Variants in AFG1L observed in about 807,000 individuals in gnomAD.
AFG1L encodes AFG1-like ATPase.
AFG1L carries 53 observed loss-of-function variants against 62.2 expected under a neutral mutation model. The observed-to-expected ratio is 0.85, with a 90% CI of 0.68 to 1.07. The LOEUF (loss-of-function observed/expected upper bound fraction) is 1.07, where lower values mean the gene tolerates loss of function less well. Ranked by LOEUF, AFG1L falls within the 50% of genes least tolerant of loss-of-function variation. The pLI is 0.00. For missense variants in AFG1L, 555 were observed against 590.5 expected (o/e 0.94, Z 0.62); for synonymous variants, 228 against 210.3 (o/e 1.08, Z -0.73).
intron 6 of AFG1L, among the ~76,000 whole-genome samples, chr6:108,383,560 C>T (rs1419219287): frequency 1.3e-5 from 2 of 151,996 alleles, no homozygotes; most frequent in East Asian, 1.9e-4. Context: ...TGAAATCGGT[C>T]ATGTAGGAAA....
At chr6:108,450,938 T>TAA (rs201994960) in intron 8 of AFG1L, among the ~76,000 whole-genome samples, 1 of 136,834 alleles carries the variant, frequency 7.3e-6, no homozygotes, top group African/African-American at 2.7e-5. Flanking sequence ...CCACTGGTAT[T>TAA]AAAAAAAAAA....
chr6:108,475,728 T>G (rs1773081310), intron 8 of AFG1L, among the ~76,000 whole-genome samples: 1 of 152,212 alleles, frequency 6.6e-6, no homozygotes, highest in South Asian at 2.1e-4. Context: ...AATTTCAAAC[T>G]TTTCATAATA....
intron 8 of AFG1L, among the ~76,000 whole-genome samples, chr6:108,464,987 C>T (rs966873901): frequency 2.0e-5 from 3 of 152,190 alleles, no homozygotes; most frequent in African/African-American, 7.2e-5. Flanking sequence ...AAGGAAGTCA[C>T]TTAAATTCTT....
chr6:108,400,892 A>G lies in AFG1L; in HGVS notation c.749-1104A>G, dbSNP rs1435117531. Among the ~76,000 whole-genome samples, 4 of 85,786 alleles carry G rather than the reference A, an allele frequency of 4.7e-5. No individual in the cohort carries two copies. The East Asian group carries it at 1.0e-3, about 22-fold the overall frequency. 56.3% of individuals were successfully genotyped at this position (85,786 alleles called of 152,430 possible). A position where few individuals can be genotyped will look rare whatever the true frequency, so the allele number is the denominator to read the frequency against. On this transcript the variant is annotated intron_variant, in intron 6 of 12. Transcript: ENST00000368977. Reference sequence around the variant, plus strand: ...AAATATATATTTATATATAATGCAAATATATATAATGCAAATACATGAGCA... The same window carrying G: ...AAATATATATTTATATATAATGCAAGTATATATAATGCAAATACATGAGCA...
intron 1 of AFG1L, among the ~76,000 whole-genome samples, chr6:108,316,536 T>C: frequency 6.9e-6 from 1 of 145,096 alleles, no homozygotes; most frequent in East Asian, 2.0e-4. Context: ...CACTCTGATT[T>C]TTTTTTTTTT....
intron 11 of AFG1L, among the ~76,000 whole-genome samples, chr6:108,513,512 A>G (rs1774751581): frequency 6.6e-6 from 1 of 152,202 alleles, no homozygotes; most frequent in East Asian, 1.9e-4. Context: ...AGCCTCGCTC[A>G]TTGCTAGCAT....
intron 2 of AFG1L, chr6:108,344,802 G>T (rs2114408034): frequency 2.1e-6 from 1 of 471,064 alleles, no homozygotes; most frequent in Middle Eastern, 3.2e-4. Flanking sequence ...AGAGTATGAA[G>T]GTTACTCGTC....
At chr6:108,354,481 T>A (rs1002610844) in intron 3 of AFG1L, among the ~76,000 whole-genome samples, 11 of 152,140 alleles carry the variant, frequency 7.2e-5, no homozygotes, top group Non-Finnish European at 1.5e-4. Flanking sequence ...ATTTTTGTAC[T>A]TTTAGTAGAG....
intron 2 of AFG1L, among the ~76,000 whole-genome samples, chr6:108,330,238 G>T (rs1344817053): frequency 6.8e-6 from 1 of 146,384 alleles, no homozygotes; most frequent in Non-Finnish European, 1.5e-5. Flanking sequence ...GGAGTACAGT[G>T]GTGTGATCTC....
intron 2 of AFG1L, among the ~76,000 whole-genome samples, 161 bp from the exon 3 acceptor site, chr6:108,346,827 A>T (rs1322068726): frequency 6.6e-6 from 1 of 152,166 alleles, no homozygotes; most frequent in Non-Finnish European, 1.5e-5. Context: ...AAGGCTGCAT[A>T]ATATTTCAGC....
intron 10 of AFG1L, among the ~76,000 whole-genome samples, chr6:108,496,469 A>T (rs1773979926): frequency 6.6e-6 from 1 of 152,198 alleles, no homozygotes; most frequent in Admixed American, 6.5e-5. Context: ...GACGTAAATG[A>T]GTGTGGCAAC....
At chr6:108,484,135 C>T (rs978702079) in intron 10 of AFG1L, among the ~76,000 whole-genome samples, 11 of 152,302 alleles carry the variant, frequency 7.2e-5, no homozygotes, top group African/African-American at 2.6e-4. Context: ...TGGTAATTAG[C>T]ATCAAGGAAT....
At chr6:108,401,165 T>A (rs1270913075) in intron 6 of AFG1L, among the ~76,000 whole-genome samples, 1 of 142,172 alleles carries the variant, frequency 7.0e-6, no homozygotes, top group Admixed American at 7.4e-5. Flanking sequence ...AGACGGAGTC[T>A]CGCTCTGTCG....
intron 1 of AFG1L, among the ~76,000 whole-genome samples, chr6:108,297,441 A>G (rs908795486): frequency 6.6e-6 from 1 of 152,102 alleles, no homozygotes; most frequent in Non-Finnish European, 1.5e-5. Flanking sequence ...TTTAGTTGAA[A>G]TTTTGTTCAG....
At chr6:108,323,368 A>ATT (rs1337338810) in intron 1 of AFG1L, among the ~76,000 whole-genome samples, 3 of 151,962 alleles carry the variant, frequency 2.0e-5, no homozygotes, top group African/African-American at 7.3e-5. Context: ...TCATTGTTTA[A>ATT]TTATTTTTTT....
chr6:108,311,076 T>C (rs1341221428), intron 1 of AFG1L, among the ~76,000 whole-genome samples: 1 of 152,198 alleles, frequency 6.6e-6, no homozygotes, highest in Non-Finnish European at 1.5e-5. Context: ...TTTAAGTGGC[T>C]CCTGTGGCCT....
chr6:108,372,379 G>GA (rs1562115790), intron 6 of AFG1L, among the ~76,000 whole-genome samples: 1 of 150,300 alleles, frequency 6.7e-6, no homozygotes, highest in South Asian at 2.1e-4. Context: ...ATCCAGGCTG[G>GA]AGTGCAGTGG....
intron 10 of AFG1L, among the ~76,000 whole-genome samples, chr6:108,487,192 C>T (rs1773604393): frequency 6.6e-6 from 1 of 152,176 alleles, no homozygotes; most frequent in Admixed American, 6.5e-5. Context: ...CAATTCCAGT[C>T]ATTAACTCAA....
At chr6:108,343,089 G>T (rs1193240238) in intron 2 of AFG1L, among the ~76,000 whole-genome samples, 1 of 151,136 alleles carries the variant, frequency 6.6e-6, no homozygotes, top group Non-Finnish European at 1.5e-5. Context: ...TTTTGAGTTG[G>T]AGTCTTCCTC....
Sources: gnomAD v4.1 joint callset for allele counts (sites outside exome capture counted in the v4.1 genomes callset) on GRCh38, gnomAD v4.1.1 for gene constraint, MANE v1.5 for transcripts, NCBI Gene and HGNC (gene_info 2026-07-23, HGNC 2026-07-21) for gene names.